Variants in NRG1 observed in about 807,000 individuals in gnomAD.
NRG1 encodes pro-neuregulin-1, membrane-bound isoform.
In NRG1, 18 loss-of-function variants were observed where a neutral mutation model predicts 63.8. The observed-to-expected ratio is 0.28, with a 90% CI of 0.19 to 0.42. The LOEUF is 0.42. Ranked by LOEUF, NRG1 falls within the 10% of genes least tolerant of loss-of-function variation. NRG1 has a pLI of 1.00. For missense variants in NRG1, 762 were observed against 814.7 expected, an observed-to-expected ratio of 0.94 and a Z score of 0.79; for synonymous variants, 302 against 301.3, an observed-to-expected ratio of 1.00 and a Z score of -0.02.
intron 1 of NRG1, among the ~76,000 whole-genome samples, chr8:32,553,519 CA>C (rs1488020503): frequency 6.6e-6 from 1 of 152,102 alleles, no homozygotes; most frequent in East Asian, 1.9e-4. Context: ...GTACTGAACT[CA>C]ATCTAAATAT....
intron 1 of NRG1, among the ~76,000 whole-genome samples, chr8:31,756,854 G>A (rs761999981): frequency 1.3e-5 from 2 of 152,092 alleles, no homozygotes; most frequent in Non-Finnish European, 1.5e-5. Flanking sequence ...TTGTTGCTTT[G>A]TTTGTGCATT....
At chr8:31,821,327 T>C (rs1823984872) in intron 1 of NRG1, among the ~76,000 whole-genome samples, 2 of 152,190 alleles carry the variant, frequency 1.3e-5, no homozygotes. Flanking sequence ...GTTTTAGTTA[T>C]AAGGTGAAAG....
intron 1 of NRG1, among the ~76,000 whole-genome samples, chr8:31,813,516 C>CTTTTCTTT: frequency 4.1e-4 from 42 of 101,206 alleles, no homozygotes; most frequent in African/African-American, 1.1e-3. Context: ...CTTTTCTTTT[C>CTTTTCTTT]TTTTTTTTTT....
chr8:32,464,879 G>A (rs1822857749), intron 1 of NRG1, among the ~76,000 whole-genome samples: 2 of 152,050 alleles, frequency 1.3e-5, no homozygotes, highest in African/African-American at 4.8e-5. Context: ...TATGAAGCAT[G>A]GAAATTCAGC....
chr8:32,380,291 C>T (rs575297171), intron 1 of NRG1, among the ~76,000 whole-genome samples: 1 of 152,216 alleles, frequency 6.6e-6, no homozygotes, highest in Non-Finnish European at 1.5e-5. Flanking sequence ...TTACCATCTC[C>T]TCGTAGATTC....
intron 1 of NRG1, among the ~76,000 whole-genome samples, chr8:32,246,680 T>C (rs1163558540): frequency 6.6e-6 from 1 of 152,108 alleles, no homozygotes; most frequent in Non-Finnish European, 1.5e-5. Context: ...GGAGTGTTTA[T>C]CACAAGAATC....
At chr8:32,703,524 C>A (rs1815525643) in intron 5 of NRG1, among the ~76,000 whole-genome samples, 1 of 147,672 alleles carries the variant, frequency 6.8e-6, no homozygotes, top group South Asian at 2.1e-4. Context: ...CAGAGCGAGA[C>A]CCTGTCTACA....
intron 5 of NRG1, among the ~76,000 whole-genome samples, chr8:32,671,013 C>G: frequency 6.6e-6 from 1 of 152,024 alleles, no homozygotes; most frequent in Non-Finnish European, 1.5e-5. Flanking sequence ...TCTGTTAGCC[C>G]CAGGAATTGA....
intron 5 of NRG1, among the ~76,000 whole-genome samples, chr8:32,651,981 C>A (rs940345561): frequency 2.6e-5 from 4 of 152,084 alleles, no homozygotes; most frequent in African/African-American, 9.7e-5. Flanking sequence ...AATGAAGAAA[C>A]CCAGGCTCAG....
At chr8:32,027,437 CTT>C (rs1408879955) in intron 1 of NRG1, among the ~76,000 whole-genome samples, 31 of 123,540 alleles carry the variant, frequency 2.5e-4, no homozygotes, top group Non-Finnish European at 5.0e-4. Flanking sequence ...TCCTTCCTTC[CTT>C]CCTTCCTTCC....
chr8:31,658,940 A>C (rs1361589909), intron 1 of NRG1, among the ~76,000 whole-genome samples: 2 of 152,190 alleles, frequency 1.3e-5, no homozygotes, highest in Non-Finnish European at 2.9e-5. Context: ...CCTAAAATGC[A>C]TGCCAAAGGT....
intron 1 of NRG1, among the ~76,000 whole-genome samples, chr8:32,197,541 A>G (rs934560395): frequency 3.9e-5 from 6 of 152,162 alleles, no homozygotes; most frequent in African/African-American, 1.4e-4. Flanking sequence ...ACCTCTGAGG[A>G]TTCAGCTTCT....
At chr8:31,807,411 T>G (rs1462188128) in intron 1 of NRG1, among the ~76,000 whole-genome samples, 1 of 152,206 alleles carries the variant, frequency 6.6e-6, no homozygotes, top group Non-Finnish European at 1.5e-5. Flanking sequence ...GCAGGGTCTG[T>G]GGCTATCTTG....
intron 1 of NRG1, among the ~76,000 whole-genome samples, chr8:32,234,472 A>G (rs985801805): frequency 3.9e-5 from 6 of 152,170 alleles, no homozygotes; most frequent in African/African-American, 1.4e-4. Context: ...TGAGCCTCCC[A>G]TAAGCTAAGA....
intron 1 of NRG1, among the ~76,000 whole-genome samples, chr8:31,965,179 G>T (rs932248894): frequency 1.3e-5 from 2 of 151,804 alleles, no homozygotes; most frequent in African/African-American, 4.8e-5. Flanking sequence ...CTAATCAACT[G>T]GTGATGGACA....
At chr8:32,013,898 A>G (rs1586476072) in intron 1 of NRG1, among the ~76,000 whole-genome samples, 1 of 152,278 alleles carries the variant, frequency 6.6e-6, no homozygotes, top group Middle Eastern at 3.4e-3. Context: ...GAAAGACACA[A>G]TGCATTGTAC....
chr8:32,499,673 T>G (rs1827626472), intron 1 of NRG1, among the ~76,000 whole-genome samples: 1 of 151,948 alleles, frequency 6.6e-6, no homozygotes, highest in Non-Finnish European at 1.5e-5. Context: ...GATCCTGTCT[T>G]AAAAATAAAT....
chr8:32,174,659 G>A (rs928703337), intron 1 of NRG1, among the ~76,000 whole-genome samples: 9 of 152,060 alleles, frequency 5.9e-5, no homozygotes, highest in African/African-American at 2.2e-4. Context: ...TATCACCACC[G>A]ATCCCACAGA....
intron 1 of NRG1, among the ~76,000 whole-genome samples, chr8:31,942,807 A>G (rs760962437): frequency 1.3e-5 from 2 of 152,118 alleles, no homozygotes; most frequent in African/African-American, 2.4e-5. Context: ...ATCACTAATT[A>G]TCAGGGAAAT....
Sources: gnomAD v4.1 joint callset for allele counts (sites outside exome capture counted in the v4.1 genomes callset) on GRCh38, gnomAD v4.1.1 for gene constraint, MANE v1.5 for transcripts, NCBI Gene and HGNC (gene_info 2026-07-23, HGNC 2026-07-21) for gene names.